The following CPNE8 variants were observed in gnomAD, a reference collection of about 807,000 sequenced individuals.
CPNE8 encodes the protein copine 8, also known as copine-8.
In CPNE8, 45 loss-of-function variants were observed where a neutral mutation model predicts 81.5. That is an observed-to-expected ratio of 0.55 (90% CI 0.44 to 0.71). The LOEUF is 0.71. CPNE8 is among the 30% of genes least tolerant of loss of function. The pLI is 0.00. For missense variants in CPNE8, 594 were observed against 672.1 expected, an observed-to-expected ratio of 0.88 and a Z score of 1.28; for synonymous variants, 252 against 226.3, an observed-to-expected ratio of 1.11 and a Z score of -1.02.
chr12:38,693,301 A>C (rs1028763321), intron 15 of CPNE8, among the ~76,000 whole-genome samples: 16 of 152,106 alleles, frequency 1.1e-4, no homozygotes, highest in African/African-American at 3.9e-4. Context: ...CAAAGCAAAA[A>C]TGCGCTGTCT....
intron 6 of CPNE8, among the ~76,000 whole-genome samples, chr12:38,798,486 G>C (rs915681498): frequency 1.3e-5 from 2 of 151,980 alleles, no homozygotes; most frequent in East Asian, 3.9e-4. Flanking sequence ...ATACTTTACA[G>C]ACAAGCAAAT....
At chr12:38,847,018 G>A (rs369028583) in intron 4 of CPNE8, among the ~76,000 whole-genome samples, 4 of 151,872 alleles carry the variant, frequency 2.6e-5, no homozygotes, top group African/African-American at 7.3e-5. Flanking sequence ...TATATTTATT[G>A]CAATTCCTGT....
At chr12:38,823,176 C>T (rs1943132511) in intron 6 of CPNE8, among the ~76,000 whole-genome samples, 1 of 152,174 alleles carries the variant, frequency 6.6e-6, no homozygotes, top group Admixed American at 6.5e-5. Context: ...GTCTCTGCCT[C>T]AAGTCCCCTC....
At chr12:38,763,112 C>T (rs1172284471) in intron 8 of CPNE8, among the ~76,000 whole-genome samples, 1 of 152,202 alleles carries the variant, frequency 6.6e-6, no homozygotes, top group Non-Finnish European at 1.5e-5. Context: ...CTGCCCCGCC[C>T]TCTCAAAGTG....
intron 3 of CPNE8, among the ~76,000 whole-genome samples, chr12:38,860,825 T>C (rs1285919625): frequency 2.6e-5 from 4 of 152,128 alleles, no homozygotes; most frequent in Non-Finnish European, 5.9e-5. Flanking sequence ...AGTAGAAGAA[T>C]GTCTGTCCGG....
chr12:38,785,141 T>A (rs1443922054), intron 6 of CPNE8, among the ~76,000 whole-genome samples: 1 of 148,960 alleles, frequency 6.7e-6, no homozygotes, highest in Non-Finnish European at 1.5e-5. Context: ...GTTGCAGAGA[T>A]CGTGCCACTG....
intron 14 of CPNE8, among the ~76,000 whole-genome samples, chr12:38,697,741 AG>A (rs1478839621): frequency 9.1e-6 from 1 of 110,162 alleles, no homozygotes; most frequent in Non-Finnish European, 2.1e-5. Context: ...CCTAGTAATG[AG>A]GGAAGTTCTC....
intron 1 of CPNE8, among the ~76,000 whole-genome samples, chr12:38,894,998 C>A (rs1944370501): frequency 2.0e-5 from 3 of 152,132 alleles, no homozygotes; most frequent in Middle Eastern, 3.4e-3. Context: ...TTGGTTTCAA[C>A]CAGTTATGGC....
intron 10 of CPNE8, among the ~76,000 whole-genome samples, chr12:38,748,449 T>C (rs1256574953): frequency 6.6e-6 from 1 of 152,220 alleles, no homozygotes; most frequent in Non-Finnish European, 1.5e-5. Flanking sequence ...AATATTACCT[T>C]AGAATAGATT....
chr12:38,890,705 A>G (rs1944302191), intron 1 of CPNE8, among the ~76,000 whole-genome samples: 1 of 152,020 alleles, frequency 6.6e-6, no homozygotes, highest in African/African-American at 2.4e-5. Context: ...GCTGCACTTT[A>G]TTAGTTCACC....
At chr12:38,787,180 T>G (rs1565614989) in intron 6 of CPNE8, among the ~76,000 whole-genome samples, 2 of 152,132 alleles carry the variant, frequency 1.3e-5, no homozygotes, top group Non-Finnish European at 2.9e-5. Flanking sequence ...ACATGGATCA[T>G]TCTCAAGGAT....
rs561371553 is a variant in CPNE8, at chr12:38,890,479, C to A, written c.98+14958G>T. ...TTTTATAGAAAGCATTGTTTTCCAT[C>A]TTCTCATCCTTGACACTTTTCTTTA... is the stretch of plus-strand genomic sequence containing the variant. On this transcript the variant is annotated intron_variant, in intron 1 of 19. Coordinates refer to ENST00000331366, the MANE Select transcript of CPNE8 (RefSeq NM_153634.3). Among the ~76,000 whole-genome samples, 2 of 152,266 alleles carry A rather than the reference C, an allele frequency of 1.3e-5. 1 individual carries two copies. The highest frequency in any genetic ancestry group is 4.1e-4 in the South Asian group (2 of 4,826).
chr12:38,675,456 G>C (rs186964895), intron 18 of CPNE8, among the ~76,000 whole-genome samples: 1 of 152,274 alleles, frequency 6.6e-6, no homozygotes, highest in African/African-American at 2.4e-5. Context: ...TAATGAAATA[G>C]AAAGCTACAT....
chr12:38,755,805 C>T (rs1280074019), intron 10 of CPNE8, among the ~76,000 whole-genome samples: 2 of 151,972 alleles, frequency 1.3e-5, no homozygotes, highest in African/African-American at 4.8e-5. Flanking sequence ...CTTTGGGAGG[C>T]CGAGGCGGGC....
intron 4 of CPNE8, among the ~76,000 whole-genome samples, chr12:38,846,951 G>T (rs1164197112): frequency 6.6e-6 from 1 of 151,924 alleles, no homozygotes; most frequent in Non-Finnish European, 1.5e-5. Context: ...AATGAATGTG[G>T]TATATGCATA....
chr12:38,657,217 G>C (rs1424747677), intron 19 of CPNE8, among the ~76,000 whole-genome samples: 21 of 152,202 alleles, frequency 1.4e-4, no homozygotes, highest in Admixed American at 1.4e-3. Flanking sequence ...GGCAGACCAG[G>C]AGATTCTCTC....
chr12:38,851,385 T>C (rs962108650), intron 3 of CPNE8, among the ~76,000 whole-genome samples: 1 of 152,214 alleles, frequency 6.6e-6, no homozygotes, highest in Non-Finnish European at 1.5e-5. Flanking sequence ...ATCACCCTAA[T>C]ACTGGTGCTT....
chr12:38,894,658 ACTCTCTCTCTCTCTCTCTCTCTCT>A (rs60538878), intron 1 of CPNE8, among the ~76,000 whole-genome samples: 1,395 of 124,554 alleles, frequency 0.011, 20 homozygotes, highest in South Asian at 0.049. Context: ...ACTCCAGCTC[ACTCTCTCTCTCTCTCTCTCTCTCT>A]CTCTCTCTCT....
chr12:38,775,152 T>A (rs1941902608), intron 7 of CPNE8, among the ~76,000 whole-genome samples: 1 of 152,106 alleles, frequency 6.6e-6, no homozygotes, highest in African/African-American at 2.4e-5. Flanking sequence ...TGAGACAAGG[T>A]CTTGCTCTGT....
Sources: allele counts gnomAD v4.1 joint callset (sites outside exome capture counted in the v4.1 genomes callset), GRCh38; gene constraint gnomAD v4.1.1; transcripts MANE v1.5; gene names NCBI Gene and HGNC (gene_info 2026-07-23, HGNC 2026-07-21).